The following ADAMTS20 variants were observed in gnomAD, a reference collection of about 807,000 sequenced individuals.
ADAMTS20 encodes A disintegrin and metalloproteinase with thrombospondin motifs 20.
Under a neutral mutation model 260.1 loss-of-function variants are expected in ADAMTS20, and 225 were observed. That is an observed-to-expected ratio of 0.87 (90% CI 0.78 to 0.97). The LOEUF is 0.97. ADAMTS20 is among the 50% of genes least tolerant of loss of function. ADAMTS20 has a pLI of 0.00. For missense variants in ADAMTS20, 2,400 were observed against 2,337.7 expected, an observed-to-expected ratio of 1.03 and a Z score of -0.55; for synonymous variants, 802 against 769.5, an observed-to-expected ratio of 1.04 and a Z score of -0.70.
intron 27 of ADAMTS20, among the ~76,000 whole-genome samples, chr12:43,426,577 A>T (rs1723730983): frequency 6.6e-6 from 1 of 152,236 alleles, no homozygotes; most frequent in South Asian, 2.1e-4. Flanking sequence ...AAGTGACTTT[A>T]AAAAATTATC....
chr12:43,464,254 A>G (rs1376931808), intron 10 of ADAMTS20, among the ~76,000 whole-genome samples: 2 of 152,092 alleles, frequency 1.3e-5, no homozygotes, highest in East Asian at 1.9e-4. Context: ...CAACACACCT[A>G]TATTTTCTCC....
At chr12:43,503,524 T>A (rs950724508) in intron 3 of ADAMTS20, among the ~76,000 whole-genome samples, 10 of 152,150 alleles carry the variant, frequency 6.6e-5, no homozygotes, top group African/African-American at 9.6e-5. Flanking sequence ...GAATTTTTTT[T>A]AATTAATATA....
At chr12:43,369,194 T>G (rs1220926666) in intron 37 of ADAMTS20, 96 bp downstream of exon 37, 4 of 676,884 alleles carry the variant, frequency 5.9e-6, no homozygotes, top group Middle Eastern at 4.0e-4. Context: ...TCTATTTACT[T>G]ATGTTTCTTG....
At chr12:43,548,949 C>T (rs1943476214) in intron 2 of ADAMTS20, among the ~76,000 whole-genome samples, 2 of 151,854 alleles carry the variant, frequency 1.3e-5, no homozygotes, top group Admixed American at 6.6e-5. Context: ...TATTTACTTG[C>T]CATTCAAAGT....
In ADAMTS20 at chr12:43,375,550, T is replaced by C. The variant is rs760175198; in HGVS notation, c.5313-38A>G. 9 of 1,606,870 alleles carry C rather than the reference T, an allele frequency of 5.6e-6. No homozygotes were observed. The East Asian group carries it at 2.0e-4, about 36-fold the overall frequency. On this transcript the variant is annotated intron_variant, in intron 35 of 38. Coordinates refer to ENST00000389420, the MANE Select transcript of ADAMTS20 (RefSeq NM_025003.5). ...TGGGATATTTTAGTATTAGATGCAG[T>C]TACGAGGCCATAATGTAGACAAACT...
At chr12:43,526,909 T>C (rs1408443291) in intron 3 of ADAMTS20, among the ~76,000 whole-genome samples, 1 of 152,106 alleles carries the variant, frequency 6.6e-6, no homozygotes, top group Non-Finnish European at 1.5e-5. Context: ...AACCTGGTTC[T>C]TTGAAAAGAT....
chr12:43,535,226 T>C (rs1211789536), intron 2 of ADAMTS20, among the ~76,000 whole-genome samples: 1 of 152,216 alleles, frequency 6.6e-6, no homozygotes, highest in Non-Finnish European at 1.5e-5. Context: ...CCTGAATTTC[T>C]ACTGCTGAAG....
chr12:43,472,006 G>A (rs1268608220), intron 7 of ADAMTS20, among the ~76,000 whole-genome samples: 1 of 152,066 alleles, frequency 6.6e-6, no homozygotes, highest in Non-Finnish European at 1.5e-5. Context: ...GACGAGCTGA[G>A]AGAAGAAGGC....
At chr12:43,495,304 G>C (rs1321744928) in intron 4 of ADAMTS20, among the ~76,000 whole-genome samples, 5 of 152,190 alleles carry the variant, frequency 3.3e-5, no homozygotes, top group African/African-American at 1.2e-4. Context: ...AAGGTGGATA[G>C]TGGCTATAAA....
At chr12:43,468,801 C>A in intron 7 of ADAMTS20, 96 bp from the exon 8 acceptor site, 1 of 680,400 alleles carries the variant, frequency 1.5e-6, no homozygotes, top group Non-Finnish European at 2.5e-6. Context: ...GATGTTATTA[C>A]TTAGAAAAGA....
In ADAMTS20 at chr12:43,551,222, C is replaced by T; in HGVS notation, c.140G>A (p.Arg47Gln). 3.1e-6 allele frequency: 5 copies of T among 1,613,812 alleles called. No individual in the cohort carries two copies. Among genetic ancestry groups the T allele is most frequent in the Non-Finnish European group, 4.2e-6 (5 of 1,179,870 alleles). ...LTSYEVVIPE[R>Q]VNEFGEVFPQ... Reference sequence around the variant, plus strand: ...GAACACTTCTCCAAACTCATTGACCCGCTCGGGGATCACTACTTCGTAGGA... The same window carrying T: ...GAACACTTCTCCAAACTCATTGACCTGCTCGGGGATCACTACTTCGTAGGA... Residue 47 changes from arginine to glutamine, a missense_variant, in exon 2 of 39, where the codon CGG (arginine) becomes CAG (glutamine). Coordinates refer to ENST00000389420, the MANE Select transcript of ADAMTS20 (RefSeq NM_025003.5). The surrounding 1 kb of genome is among the most constrained non-coding windows in gnomAD (Gnocchi z 4.6).
At chr12:43,508,234 GTC>G (rs1942873442) in intron 3 of ADAMTS20, among the ~76,000 whole-genome samples, 1 of 152,068 alleles carries the variant, frequency 6.6e-6, no homozygotes, top group Non-Finnish European at 1.5e-5. Context: ...CAGAAAAAAA[GTC>G]TGCAATAAAA....
At chr12:43,537,291 G>A (rs1367364063) in intron 2 of ADAMTS20, among the ~76,000 whole-genome samples, 1 of 151,870 alleles carries the variant, frequency 6.6e-6, no homozygotes, top group Non-Finnish European at 1.5e-5. Context: ...CTGAGTTCAA[G>A]TGGTCCACCC....
At chr12:43,419,075 G>C (rs995066375) in intron 28 of ADAMTS20, among the ~76,000 whole-genome samples, 1 of 151,904 alleles carries the variant, frequency 6.6e-6, no homozygotes, top group African/African-American at 2.4e-5. Flanking sequence ...AAATTAAATG[G>C]TTAGAACAGT....
At chr12:43,432,032 C>T (rs546587591) in intron 21 of ADAMTS20, among the ~76,000 whole-genome samples, 1 of 152,012 alleles carries the variant, frequency 6.6e-6, no homozygotes, top group East Asian at 1.9e-4. Flanking sequence ...TGTGTGTCAC[C>T]ACATCCAGCT....
chr12:43,511,893 A>G (rs1448325667), intron 3 of ADAMTS20, among the ~76,000 whole-genome samples: 1 of 152,146 alleles, frequency 6.6e-6, no homozygotes, highest in East Asian at 1.9e-4. Flanking sequence ...TGAATGTGCA[A>G]CAGATCAAAT....
chr12:43,518,232 T>C (rs1464072780), intron 3 of ADAMTS20, among the ~76,000 whole-genome samples: 2 of 152,266 alleles, frequency 1.3e-5, no homozygotes, highest in Admixed American at 1.3e-4. Flanking sequence ...TAAGTTTTAC[T>C]TATGCAAATA....
chr12:43,492,676 T>TTTTGGTTAATTA, intron 5 of ADAMTS20, 47 bp from the exon 6 acceptor site: 2 of 1,598,950 alleles, frequency 1.3e-6, no homozygotes, highest in Non-Finnish European at 1.7e-6. Context: ...ATTAACGTCC[T>TTTTGGTTAATTA]CTTTTCCTTC....
intron 7 of ADAMTS20, among the ~76,000 whole-genome samples, chr12:43,485,329 T>A (rs1003984152): frequency 1.3e-5 from 2 of 152,074 alleles, no homozygotes; most frequent in South Asian, 4.1e-4. Context: ...AACTATATGA[T>A]CATATCAATA....
Sources: gnomAD v4.1 joint callset for allele counts (sites outside exome capture counted in the v4.1 genomes callset) on GRCh38, gnomAD v4.1.1 for gene constraint, Gnocchi (gnomAD v3.1) non-coding constraint, MANE v1.5 for transcripts, NCBI Gene and HGNC (gene_info 2026-07-23, HGNC 2026-07-21) for gene names.